Variants in TENM4 observed in about 807,000 individuals in gnomAD.
The protein encoded by TENM4 is teneurin transmembrane protein 4.
A neutral mutation model predicts 243.3 loss-of-function variants in TENM4; 82 were observed. The ratio of observed to expected loss-of-function variants is 0.34; its 90% confidence interval spans 0.28 to 0.40. TENM4 has a LOEUF of 0.40. Ranked by LOEUF, TENM4 falls within the 10% of genes least tolerant of loss-of-function variation. The pLI is 1.00. For missense variants in TENM4, 3,138 were observed against 3,673.3 expected, an observed-to-expected ratio of 0.85 and a Z score of 3.77; for synonymous variants, 1,412 against 1,456.3, an observed-to-expected ratio of 0.97 and a Z score of 0.69.
intron 19 of TENM4, among the ~76,000 whole-genome samples, chr11:78,744,642 G>A (rs946380021): frequency 2.6e-5 from 4 of 152,130 alleles, no homozygotes; most frequent in Admixed American, 6.5e-5. Context: ...AATTAGAGCC[G>A]GGTTCTGGAA....
intron 3 of TENM4, among the ~76,000 whole-genome samples, chr11:79,199,453 A>G (rs1364562044): frequency 6.6e-6 from 1 of 152,222 alleles, no homozygotes; most frequent in Admixed American, 6.5e-5. Flanking sequence ...GCACAGGTGG[A>G]ATACTTCCAT....
chr11:79,436,313 A>G, intron 1 of TENM4, among the ~76,000 whole-genome samples: 1 of 152,332 alleles, frequency 6.6e-6, no homozygotes. Context: ...TATTGGGACA[A>G]TTGGAAAAAT....
intron 6 of TENM4, among the ~76,000 whole-genome samples, chr11:78,929,720 G>A (rs1035132016): frequency 6.6e-6 from 1 of 152,312 alleles, no homozygotes; most frequent in East Asian, 1.9e-4. Context: ...CCAAGCTTCA[G>A]GTGGCTGTAG....
In TENM4 at chr11:78,880,326, C is replaced by CA. The variant is rs548653521; in HGVS notation, c.1084+9458dup. Among the ~76,000 whole-genome samples, 31 of 152,242 alleles carry CA rather than the reference C, an allele frequency of 2.0e-4. No individual in the cohort carries two copies. The South Asian group carries it at 6.2e-3, about 31-fold the overall frequency. On this transcript the variant is annotated intron_variant, in intron 9 of 33. Coordinates refer to ENST00000278550, the MANE Select transcript of TENM4 (RefSeq NM_001098816.3). ...GGGACACAAACACTGCGGAAGGCCG[C>CA]AGGGACCTCTGCCTAGGAAAATCAG...
chr11:79,202,695 A>G (rs1399372993), intron 3 of TENM4, among the ~76,000 whole-genome samples: 1 of 152,132 alleles, frequency 6.6e-6, no homozygotes, highest in Non-Finnish European at 1.5e-5. Flanking sequence ...GATCTGCTCT[A>G]ACTTCCACTG....
At chr11:79,339,849 C>T (rs987398595) in intron 1 of TENM4, among the ~76,000 whole-genome samples, 1 of 152,044 alleles carries the variant, frequency 6.6e-6, no homozygotes, top group African/African-American at 2.4e-5. Flanking sequence ...CTGTTGGGGG[C>T]ACAGAGGGGA....
At chr11:78,718,020 T>C (rs1859560777) in intron 25 of TENM4, among the ~76,000 whole-genome samples, 1 of 152,162 alleles carries the variant, frequency 6.6e-6, no homozygotes, top group South Asian at 2.1e-4. Flanking sequence ...AAGGCAGACA[T>C]GAGTCTGCTC....
rs373424335 is a variant in TENM4, at chr11:78,785,334, C to T, written c.2365+1564G>A. On this transcript the variant is annotated intron_variant, in intron 16 of 33. Transcript: ENST00000278550. ...TGGCTGCCATTGTGATGGAGTGGCT[C>T]TGTTGAGGGTGGAGGCTGGGCAGAT... 2.5e-4 allele frequency among the ~76,000 whole-genome samples: 38 copies of T among 152,208 alleles called. No homozygotes were observed. The East Asian group carries it at 7.3e-3, about 29-fold the overall frequency.
intron 13 of TENM4, 50 bp downstream of exon 13, chr11:78,814,244 C>T (rs1234556808): frequency 1.3e-6 from 2 of 1,520,518 alleles, no homozygotes; most frequent in East Asian, 5.0e-5. Context: ...AGTGAGCTGC[C>T]TGAGGGGTCT....
intron 2 of TENM4, among the ~76,000 whole-genome samples, chr11:79,255,982 CT>C (rs1417990887): frequency 1.1e-4 from 16 of 152,264 alleles, no homozygotes; most frequent in Admixed American, 3.9e-4. Context: ...GGAGGCTGAG[CT>C]TTTGGGGTGA....
At chr11:79,427,092 A>T (rs1859068817) in intron 1 of TENM4, among the ~76,000 whole-genome samples, 1 of 151,830 alleles carries the variant, frequency 6.6e-6, no homozygotes, top group Admixed American at 6.6e-5. Context: ...TACCCTGGTG[A>T]CACAAAATGG....
intron 15 of TENM4, among the ~76,000 whole-genome samples, chr11:78,790,511 A>G (rs1715644125): frequency 6.6e-6 from 1 of 152,212 alleles, no homozygotes; most frequent in Non-Finnish European, 1.5e-5. Context: ...TTCATGGACA[A>G]TTTCTCATTG....
chr11:79,259,723 C>G (rs1166436161), intron 2 of TENM4, among the ~76,000 whole-genome samples: 1 of 151,960 alleles, frequency 6.6e-6, no homozygotes, highest in East Asian at 1.9e-4. Context: ...ATCCATCCAT[C>G]CCTATACCCA....
intron 6 of TENM4, among the ~76,000 whole-genome samples, chr11:79,062,550 T>A (rs1315358856): frequency 6.6e-6 from 1 of 152,228 alleles, no homozygotes; most frequent in African/African-American, 2.4e-5. Context: ...TAAGAAGCCC[T>A]GCAGTAAAGA....
intron 6 of TENM4, among the ~76,000 whole-genome samples, chr11:78,979,542 A>G (rs1221824309): frequency 6.6e-6 from 1 of 152,016 alleles, no homozygotes; most frequent in East Asian, 1.9e-4. Context: ...GTGCATGCAC[A>G]TATGTGTTGT....
At chr11:78,707,441 C>G (rs774194744) in intron 27 of TENM4, among the ~76,000 whole-genome samples, 3 of 152,226 alleles carry the variant, frequency 2.0e-5, no homozygotes, top group Non-Finnish European at 4.4e-5. Context: ...AATGTGCAAA[C>G]TCTTTGGCAT....
chr11:79,057,946 C>T (rs895308929), intron 6 of TENM4, among the ~76,000 whole-genome samples: 5 of 152,230 alleles, frequency 3.3e-5, no homozygotes, highest in African/African-American at 1.2e-4. Flanking sequence ...GGGGCCAGCA[C>T]TTCTTCCATA....
At chr11:79,213,995 A>T (rs199576298) in intron 3 of TENM4, among the ~76,000 whole-genome samples, 2,895 of 144,836 alleles carry the variant, frequency 0.02, 37 homozygotes, top group Middle Eastern at 0.053. Flanking sequence ...CAAAAAATAA[A>T]TTTTTTTTTT....
chr11:78,836,670 T>G (rs1174082070), intron 12 of TENM4, among the ~76,000 whole-genome samples: 1 of 152,182 alleles, frequency 6.6e-6, no homozygotes, highest in Admixed American at 6.5e-5. Context: ...AAATATGCTT[T>G]CTTTCTTAAA....
Sources: allele counts gnomAD v4.1 joint callset (sites outside exome capture counted in the v4.1 genomes callset), GRCh38; gene constraint gnomAD v4.1.1; transcripts MANE v1.5; gene names NCBI Gene and HGNC (gene_info 2026-07-23, HGNC 2026-07-21).